JAM2: variants seen among roughly 807,000 people sequenced by gnomAD.
JAM2 encodes the protein junctional adhesion molecule 2.
In JAM2, 17 loss-of-function variants were observed where a neutral mutation model predicts 42.0. That is an observed-to-expected ratio of 0.40 (90% CI 0.28 to 0.61). The LOEUF is 0.61. Ranked by LOEUF, JAM2 falls within the 20% of genes least tolerant of loss-of-function variation. The pLI, the probability that JAM2 is intolerant of heterozygous loss-of-function variation, is 0.37. For missense variants in JAM2, 319 were observed against 358.3 expected, an observed-to-expected ratio of 0.89 and a Z score of 0.89; for synonymous variants, 118 against 128.6, an observed-to-expected ratio of 0.92 and a Z score of 0.56.
intron 1 of JAM2, among the ~76,000 whole-genome samples, chr21:25,672,907 G>A (rs1395124899): frequency 1.3e-5 from 2 of 152,202 alleles, no homozygotes; most frequent in African/African-American, 2.4e-5. Context: ...CAATAACCAT[G>A]GCTTCCACTG....
At chr21:25,665,127 TTGG>T (rs1308254762) in intron 1 of JAM2, among the ~76,000 whole-genome samples, 1 of 151,832 alleles carries the variant, frequency 6.6e-6, no homozygotes, top group African/African-American at 2.4e-5. Flanking sequence ...GTCTTGAGGG[TTGG>T]AGAAAATTGT....
intron 4 of JAM2, among the ~76,000 whole-genome samples, chr21:25,695,872 C>T (rs1289709053): frequency 2.0e-5 from 3 of 151,616 alleles, no homozygotes; most frequent in Non-Finnish European, 4.4e-5. Flanking sequence ...AGAAGATGGG[C>T]GGCCGGGAAG....
chr21:25,646,671 A>G (rs985266515), intron 1 of JAM2, among the ~76,000 whole-genome samples: 1 of 152,156 alleles, frequency 6.6e-6, no homozygotes, highest in Non-Finnish European at 1.5e-5. Context: ...ACCCTACTCT[A>G]TGAATCTTCA....
rs2033933786 is a variant in JAM2 at position 25,693,763 on chromosome 21, T to A, written c.249T>A (p.Phe83Leu). The change falls in exon 4 of 10, where the codon TTT (phenylalanine) becomes TTA (leucine). Residue 83 changes from phenylalanine (F) to leucine (L), a missense_variant. Coordinates refer to ENST00000480456, the MANE Select transcript of JAM2 (RefSeq NM_021219.4). ...GTCTTCTTTTTCTAAAAGGTGATTT[T>A]AAAAATCGAGCTGAGATGATAGATT... ...VYYQQTLQGD[F>L]KNRAEMIDFN... The A allele has an allele frequency of 1.9e-6, 3 of 1,613,452 alleles. No individual in the cohort carries two copies. Among genetic ancestry groups the A allele is most frequent in the Admixed American group, 1.7e-5 (1 of 59,930 alleles).
intron 1 of JAM2, among the ~76,000 whole-genome samples, chr21:25,660,594 A>G (rs1440644289): frequency 6.6e-6 from 1 of 151,552 alleles, no homozygotes; most frequent in Non-Finnish European, 1.5e-5. Flanking sequence ...CTCATTTTTC[A>G]TAACTCTCCA....
chr21:25,663,984 T>G (rs1309123159), intron 1 of JAM2, among the ~76,000 whole-genome samples: 1 of 152,184 alleles, frequency 6.6e-6, no homozygotes, highest in African/African-American at 2.4e-5. Flanking sequence ...TCTTCATTAC[T>G]AGTTCTCTTA....
rs2034498011 is a variant in JAM2 at position 25,717,380 on chromosome 21, A to C, written c.*2708A>C. The C allele has an allele frequency of 3.8e-6, 1 of 261,336 alleles. No homozygotes were observed. Among genetic ancestry groups the C allele is most frequent in the African/African-American group, 2.2e-5 (1 of 45,042 alleles). 16.2% of individuals were successfully genotyped at this position (261,336 alleles called of 1,614,324 possible). A position where few individuals can be genotyped will look rare whatever the true frequency, so the allele number is the denominator to read the frequency against. On this transcript the variant is annotated 3_prime_UTR_variant, in exon 10 of 10. Transcript: ENST00000480456. Reference sequence around the variant, plus strand: ...GTTGTGTAAAGATTAGGGCTTTAAAATCTTATTAGCAAGCTTTGTTTTGTT... The same window carrying C: ...GTTGTGTAAAGATTAGGGCTTTAAACTCTTATTAGCAAGCTTTGTTTTGTT...
chr21:25,648,718 C>T (rs939129139), intron 1 of JAM2, among the ~76,000 whole-genome samples: 1 of 152,160 alleles, frequency 6.6e-6, no homozygotes, highest in African/African-American at 2.4e-5. Flanking sequence ...TCTTATGGCA[C>T]TTACTGAGCT....
At chr21:25,660,783 T>TATATATATATATA (rs59547156) in intron 1 of JAM2, among the ~76,000 whole-genome samples, 39 of 36,324 alleles carry the variant, frequency 1.1e-3, no homozygotes, top group East Asian at 4.7e-3. Context: ...TATATATATA[T>TATATATATATATA]TTTTTTTTTT....
At chr21:25,682,444 T>C (rs1355578431) in intron 1 of JAM2, among the ~76,000 whole-genome samples, 3 of 152,128 alleles carry the variant, frequency 2.0e-5, no homozygotes, top group Non-Finnish European at 4.4e-5. Flanking sequence ...AATGGGAGAG[T>C]TCCCTGATCC....
chr21:25,643,072 C>G (rs1022505091), intron 1 of JAM2, among the ~76,000 whole-genome samples: 7 of 152,180 alleles, frequency 4.6e-5, no homozygotes, highest in Non-Finnish European at 8.8e-5. Context: ...ACTCCTAATA[C>G]CATCACATTG....
intron 1 of JAM2, among the ~76,000 whole-genome samples, chr21:25,675,920 G>A (rs1443362522): frequency 6.6e-6 from 1 of 152,066 alleles, no homozygotes; most frequent in Non-Finnish European, 1.5e-5. Flanking sequence ...TGAAACTTAT[G>A]ATATAACTGA....
chr21:25,712,268 C>A, intron 8 of JAM2, 72 bp from the exon 9 acceptor site: 1 of 1,035,270 alleles, frequency 9.7e-7, no homozygotes, highest in Non-Finnish European at 1.5e-6. Context: ...GTAAAATTAA[C>A]TAAAAGAGCA....
At chr21:25,678,464 G>A (rs183529375) in intron 1 of JAM2, among the ~76,000 whole-genome samples, 4 of 152,284 alleles carry the variant, frequency 2.6e-5, no homozygotes, top group Admixed American at 2.6e-4. Context: ...AGAAAGAACA[G>A]CTGCTATGTG....
chr21:25,675,503 G>T (rs2033463063), intron 1 of JAM2, among the ~76,000 whole-genome samples: 1 of 147,676 alleles, frequency 6.8e-6, no homozygotes, highest in African/African-American at 2.5e-5. Context: ...CTCAGAAAAA[G>T]AAAGAGAGAG....
chr21:25,703,646 T>C (rs1182649123), intron 6 of JAM2, among the ~76,000 whole-genome samples: 2 of 152,192 alleles, frequency 1.3e-5, no homozygotes, highest in Admixed American at 6.5e-5. Context: ...ATTTGTTGGT[T>C]GTTTATGGCT....
intron 1 of JAM2, among the ~76,000 whole-genome samples, chr21:25,682,898 G>A (rs2033668165): frequency 6.6e-6 from 1 of 152,106 alleles, no homozygotes; most frequent in African/African-American, 2.4e-5. Flanking sequence ...TCCTCTCGGT[G>A]TTCAGACGTC....
At chr21:25,711,437 C>A (rs910516371) in intron 8 of JAM2, 1 of 456,044 alleles carries the variant, frequency 2.2e-6, no homozygotes, top group Non-Finnish European at 4.4e-6. Context: ...GAGGCTATGG[C>A]AGCTGGGAGT....
intron 1 of JAM2, among the ~76,000 whole-genome samples, chr21:25,653,709 C>A (rs1044379695): frequency 6.6e-6 from 1 of 152,048 alleles, no homozygotes; most frequent in African/African-American, 2.4e-5. Flanking sequence ...TCCCTTTACA[C>A]GTGGGGATGA....
Sources: allele counts gnomAD v4.1 joint callset (sites outside exome capture counted in the v4.1 genomes callset), GRCh38; gene constraint gnomAD v4.1.1; transcripts MANE v1.5; gene names NCBI Gene and HGNC (gene_info 2026-07-23, HGNC 2026-07-21).